UGGT1: variants seen among roughly 807,000 people sequenced by gnomAD.
UGGT1 encodes the protein UDP-glucose:glycoprotein glucosyltransferase 1.
A neutral mutation model predicts 203.9 loss-of-function variants in UGGT1; 107 were observed. That is an observed-to-expected ratio of 0.52 (90% CI 0.45 to 0.62). The LOEUF (loss-of-function observed/expected upper bound fraction) is 0.62, where lower values mean the gene tolerates loss of function less well. Among genes scored for constraint, UGGT1 ranks in the 20% least tolerant of loss-of-function variants. The probability of loss-of-function intolerance (pLI) is 0.00; values close to 1 mark genes in which losing one functional copy is unlikely to be tolerated. For missense variants in UGGT1, 1,673 were observed against 1,867.2 expected (o/e 0.90, Z 1.92); for synonymous variants, 628 against 653.5 (o/e 0.96, Z 0.59).
chr2:128,098,948 A>T (rs564466631), intron 2 of UGGT1, among the ~76,000 whole-genome samples: 2 of 152,232 alleles, frequency 1.3e-5, no homozygotes, highest in Non-Finnish European at 2.9e-5. Flanking sequence ...ATGCTTATGG[A>T]TGGAAGGTTA....
chr2:128,157,428 T>G (rs1005753895), intron 22 of UGGT1, 82 bp downstream of exon 22: 1 of 1,131,202 alleles, frequency 8.8e-7, no homozygotes, highest in Non-Finnish European at 1.3e-6. Flanking sequence ...CTAGGATTGT[T>G]CAGTGGGAGT....
In UGGT1 at chr2:128,180,950, T is replaced by C. The variant is rs1691663011; in HGVS notation, c.3961T>C (p.Trp1321Arg). The C allele has an allele frequency of 2.5e-6, 4 of 1,614,230 alleles. No individual in the cohort carries two copies. Among genetic ancestry groups the C allele is most frequent in the Non-Finnish European group, 3.4e-6 (4 of 1,180,034 alleles). ...NFQYELVQYK[W>R]PRWLHQQTEK... The stretch of plus-strand genomic sequence containing the variant: ...CCAGTATGAGCTTGTTCAGTACAAA[T>C]GGCCCCGGTGGCTTCATCAACAAAC... Residue 1321 changes from tryptophan (W) to arginine (R), a missense_variant, in exon 36 of 41, where the codon TGG becomes CGG. Transcript: ENST00000259253.
intron 5 of UGGT1, among the ~76,000 whole-genome samples, chr2:128,112,151 T>C (rs1317457111): frequency 6.6e-6 from 1 of 150,894 alleles, no homozygotes; most frequent in Non-Finnish European, 1.5e-5. Flanking sequence ...CCAGGCCTGG[T>C]GGCTTTTGCC....
chr2:128,164,689 A>G (rs1690696520), intron 25 of UGGT1, 41 bp from the exon 26 acceptor site: 1 of 1,547,136 alleles, frequency 6.5e-7, no homozygotes, highest in Non-Finnish European at 8.9e-7. Context: ...GAAAACTTTC[A>G]GTTAAAAAGA....
At chr2:128,169,620 G>GA (rs1573610330) in intron 26 of UGGT1, among the ~76,000 whole-genome samples, 1 of 152,134 alleles carries the variant, frequency 6.6e-6, no homozygotes, top group East Asian at 1.9e-4. Flanking sequence ...TTTACAGGTT[G>GA]AAAGCCATCT....
chr2:128,160,272 TAGC>T (rs1436603925), intron 23 of UGGT1, among the ~76,000 whole-genome samples, 185 bp from the exon 24 acceptor site: 2 of 152,136 alleles, frequency 1.3e-5, no homozygotes, highest in Non-Finnish European at 2.9e-5. Context: ...GATAAGGAAA[TAGC>T]AGTTACTCTA....
intron 9 of UGGT1, 92 bp downstream of exon 9, chr2:128,120,548 A>T (rs1293587977): frequency 1.1e-6 from 1 of 949,424 alleles, no homozygotes; most frequent in East Asian, 2.4e-5. Flanking sequence ...TGTATGTAGT[A>T]CGTGATTCTG....
At position 128,114,037 on chromosome 2, in the gene UGGT1, TA is replaced by T. The variant is rs201278831; in HGVS notation, c.696+782del. Reference sequence around the variant, plus strand: ...TTTAGTCATTTAAAATATTTATATGTAAAGGTTGTTAGCCCTTTAAAGTTTC... The same window carrying T: ...TTTAGTCATTTAAAATATTTATATGTAAGGTTGTTAGCCCTTTAAAGTTTC... On this transcript the variant is annotated intron_variant, in intron 6 of 40. Coordinates refer to ENST00000259253, the MANE Select transcript of UGGT1 (RefSeq NM_020120.4). Among the ~76,000 whole-genome samples the T allele has an allele frequency of 3.9e-4, 60 of 152,178 alleles. 2 individuals are homozygous for T. The East Asian group carries it at 0.011, about 28-fold the overall frequency.
intron 40 of UGGT1, among the ~76,000 whole-genome samples, chr2:128,188,779 CAG>C (rs1210406783): frequency 6.6e-6 from 1 of 152,260 alleles, no homozygotes; most frequent in East Asian, 1.9e-4. Context: ...GCCTAGGTAA[CAG>C]AGAGAGAACC....
intron 12 of UGGT1, among the ~76,000 whole-genome samples, chr2:128,128,606 C>T (rs1688726158): frequency 6.6e-6 from 1 of 152,224 alleles, no homozygotes. Flanking sequence ...GCCACCGCGC[C>T]CAGCCCTTCA....
At chr2:128,187,339 C>T in intron 39 of UGGT1, 110 bp from the exon 40 acceptor site, 2 of 1,225,550 alleles carry the variant, frequency 1.6e-6, no homozygotes, top group Non-Finnish European at 2.2e-6. Context: ...CATTTGGTTC[C>T]TTACTATTGT....
chr2:128,100,509 C>T (rs528601492), intron 2 of UGGT1, among the ~76,000 whole-genome samples: 21 of 151,750 alleles, frequency 1.4e-4, no homozygotes, highest in East Asian at 3.9e-4. Context: ...CAGGTTCAAG[C>T]GATTCTCTTG....
intron 13 of UGGT1, among the ~76,000 whole-genome samples, chr2:128,132,771 C>T (rs1688943916): frequency 6.6e-6 from 1 of 152,050 alleles, no homozygotes; most frequent in African/African-American, 2.4e-5. Context: ...AGTGCAGTGG[C>T]ACAATCATGG....
intron 20 of UGGT1, 39 bp downstream of exon 20, chr2:128,155,626 T>G: frequency 6.6e-7 from 1 of 1,515,932 alleles, no homozygotes; most frequent in Non-Finnish European, 9.0e-7. Context: ...ATTCAACATT[T>G]TTTTGAAAGT....
At chr2:128,133,101 T>G in intron 13 of UGGT1, 40 bp from the exon 14 acceptor site, 1 of 1,604,348 alleles carries the variant, frequency 6.2e-7, no homozygotes, top group Non-Finnish European at 8.5e-7. Context: ...TACTAACTGG[T>G]TCCTAATGTG....
chr2:128,160,398 T>C (rs1690466806), intron 23 of UGGT1, 62 bp from the exon 24 acceptor site: 4 of 1,499,642 alleles, frequency 2.7e-6, no homozygotes, highest in Non-Finnish European at 3.6e-6. Flanking sequence ...TCACTGTGTT[T>C]ATTTGTTTAT....
In UGGT1 at chr2:128,136,732, C is replaced by T. The variant is rs142663886; in HGVS notation, c.1583+1771C>T. Among the ~76,000 whole-genome samples the T allele has an allele frequency of 4.4e-3, 673 of 152,218 alleles. 2 individuals carry two copies. Among genetic ancestry groups the T allele is most frequent in the African/African-American group, 0.015 (636 of 41,520 alleles). ...GCTTCTTCGGGTAAATACCGAGGAG[C>T]GTGATTGCTGCATCGTGTGTTAATA... On this transcript the variant is annotated intron_variant, in intron 15 of 40. Coordinates refer to ENST00000259253, the MANE Select transcript of UGGT1 (RefSeq NM_020120.4).
intron 33 of UGGT1, 59 bp from the exon 34 acceptor site, chr2:128,178,409 A>G (rs1484298529): frequency 3.6e-6 from 5 of 1,402,094 alleles, no homozygotes; most frequent in East Asian, 2.3e-5. Context: ...CTTACTTTCA[A>G]AGGCCGTGTG....
intron 13 of UGGT1, among the ~76,000 whole-genome samples, chr2:128,130,481 G>C (rs141834309): frequency 1.3e-5 from 2 of 152,110 alleles, no homozygotes; most frequent in Non-Finnish European, 1.5e-5. Flanking sequence ...CATTGTTAAT[G>C]TCATTTGCTT....
Sources: allele counts gnomAD v4.1 joint callset (sites outside exome capture counted in the v4.1 genomes callset), GRCh38; gene constraint gnomAD v4.1.1; transcripts MANE v1.5; gene names NCBI Gene and HGNC (gene_info 2026-07-23, HGNC 2026-07-21).